CACNA1C: variants seen among roughly 807,000 people sequenced by gnomAD.
CACNA1C encodes voltage-dependent L-type calcium channel subunit alpha-1C.
CACNA1C carries 30 observed loss-of-function variants against 229.0 expected under a neutral mutation model. The observed-to-expected ratio is 0.13, with a 90% CI of 0.10 to 0.18. The LOEUF (loss-of-function observed/expected upper bound fraction) is 0.18, where lower values mean the gene tolerates loss of function less well. Ranked by LOEUF, CACNA1C falls within the 10% of genes least tolerant of loss-of-function variation. The pLI is 1.00. For missense variants in CACNA1C, 1,658 were observed against 2,845.0 expected, an observed-to-expected ratio of 0.58 and a Z score of 9.49; for synonymous variants, 1,114 against 1,132.5, an observed-to-expected ratio of 0.98 and a Z score of 0.33.
intron 3 of CACNA1C, among the ~76,000 whole-genome samples, chr12:2,192,660 C>T (rs1173238538): frequency 2.0e-5 from 3 of 152,110 alleles, no homozygotes; most frequent in Non-Finnish European, 2.9e-5. Context: ...GGAAAGTTGT[C>T]GTGAGAATTA....
intron 5 of CACNA1C, among the ~76,000 whole-genome samples, chr12:2,459,149 A>G (rs1179873346): frequency 2.2e-5 from 3 of 135,158 alleles, no homozygotes; most frequent in Non-Finnish European, 3.1e-5. Flanking sequence ...TGCCCAGCTA[A>G]TTTTTGTTTT....
chr12:2,078,591 T>C (rs936726500), intron 1 of CACNA1C, among the ~76,000 whole-genome samples: 1 of 152,202 alleles, frequency 6.6e-6, no homozygotes, highest in Admixed American at 6.5e-5. Flanking sequence ...CAGAGGGGGT[T>C]GTTCAATGGA....
chr12:2,623,733 AG>A (rs1380143423), intron 29 of CACNA1C, among the ~76,000 whole-genome samples: 1 of 152,180 alleles, frequency 6.6e-6, no homozygotes, highest in Non-Finnish European at 1.5e-5. Context: ...AGCTGAATGA[AG>A]GCCAACGGAA....
At chr12:2,046,648 G>A (rs894603832) in intron 1 of CACNA1C, among the ~76,000 whole-genome samples, 2 of 152,170 alleles carry the variant, frequency 1.3e-5, no homozygotes, top group African/African-American at 4.8e-5. Flanking sequence ...GGCTAGTCAT[G>A]TTAGTCATGT....
chr12:2,304,391 G>A (rs879374279), intron 3 of CACNA1C, among the ~76,000 whole-genome samples: 6 of 152,178 alleles, frequency 3.9e-5, no homozygotes, highest in Non-Finnish European at 7.3e-5. Context: ...TCACAGCAGC[G>A]ACAGCAGCAA....
At chr12:2,409,364 C>T (rs994620799) in intron 3 of CACNA1C, among the ~76,000 whole-genome samples, 10 of 152,044 alleles carry the variant, frequency 6.6e-5, no homozygotes, top group African/African-American at 1.9e-4. Flanking sequence ...TCCCTAGGGA[C>T]CCATCCTCTG....
chr12:2,546,892 T>C (rs966873049), intron 9 of CACNA1C, among the ~76,000 whole-genome samples: 9 of 152,162 alleles, frequency 5.9e-5, no homozygotes, highest in Admixed American at 3.9e-4. Flanking sequence ...GGTCGACCAG[T>C]GGGTTGTTTT....
intron 3 of CACNA1C, among the ~76,000 whole-genome samples, chr12:2,198,270 T>C (rs1392694630): frequency 1.3e-5 from 2 of 152,158 alleles, no homozygotes; most frequent in Non-Finnish European, 2.9e-5. Flanking sequence ...AGGAGCTGAT[T>C]ACCTGGAGCT....
rs1029803083 is a variant in CACNA1C at position 2,346,137 on chromosome 12, G to A, written c.478-102839G>A. ...AGGAGCCTTCCCAAGACCTGGATCC[G>A]CTGCAAGGTGATAGCCGTGGCTTGG... On this transcript the variant is annotated intron_variant, in intron 3 of 46. Coordinates refer to ENST00000399655, the MANE Select transcript of CACNA1C (RefSeq NM_000719.7). The surrounding 1 kb of genome is among the most constrained non-coding windows in gnomAD (Gnocchi z 4.4). Among the ~76,000 whole-genome samples, 3 of 152,144 alleles carry A rather than the reference G, an allele frequency of 2.0e-5. No individual in the cohort carries two copies. The highest frequency in any genetic ancestry group is 1.9e-4 in the East Asian group (1 of 5,192).
intron 29 of CACNA1C, among the ~76,000 whole-genome samples, chr12:2,615,484 C>T (rs1432722776): frequency 6.6e-6 from 1 of 152,196 alleles, no homozygotes; most frequent in Non-Finnish European, 1.5e-5. Context: ...AATTGGAAAG[C>T]TCAATATTAT....
chr12:2,463,111 C>CA (rs1567837175), intron 5 of CACNA1C, among the ~76,000 whole-genome samples: 3 of 151,998 alleles, frequency 2.0e-5, no homozygotes, highest in African/African-American at 7.3e-5. Context: ...CGGGTTTCAC[C>CA]GGTTAGCCAG....
At chr12:2,080,383 C>T (rs994652181) in intron 1 of CACNA1C, among the ~76,000 whole-genome samples, 11 of 151,964 alleles carry the variant, frequency 7.2e-5, no homozygotes, top group African/African-American at 1.2e-4. Context: ...GGGTGGATCA[C>T]GAGGTCAGGA....
chr12:2,109,150 G>T (rs767989331), intron 1 of CACNA1C, among the ~76,000 whole-genome samples: 1 of 152,304 alleles, frequency 6.6e-6, no homozygotes, highest in South Asian at 2.1e-4. Flanking sequence ...CTCACAGAAG[G>T]CACCAAGGCC....
intron 3 of CACNA1C, among the ~76,000 whole-genome samples, chr12:2,219,234 T>A (rs1385790656): frequency 1.3e-5 from 2 of 152,206 alleles, no homozygotes; most frequent in Non-Finnish European, 2.9e-5. Flanking sequence ...ATGCAGGGAT[T>A]TGGGGAAGGA....
intron 3 of CACNA1C, among the ~76,000 whole-genome samples, chr12:2,200,802 G>A (rs2097560821): frequency 6.6e-6 from 1 of 152,164 alleles, no homozygotes; most frequent in Non-Finnish European, 1.5e-5. Context: ...CAGATGAGCT[G>A]GAGGCAACCC....
chr12:2,501,233 A>AAAAAAAAAAAAAAAAAC (rs2099759416), intron 7 of CACNA1C, among the ~76,000 whole-genome samples: 1 of 149,000 alleles, frequency 6.7e-6, no homozygotes, highest in African/African-American at 2.5e-5. Flanking sequence ...AAAAAAAAAA[A>AAAAAAAAAAAAAAAAAC]AGTAAAGCAA....
intron 1 of CACNA1C, among the ~76,000 whole-genome samples, chr12:2,065,197 G>A (rs2058893326): frequency 6.6e-6 from 1 of 152,144 alleles, no homozygotes; most frequent in East Asian, 1.9e-4. Context: ...ACATCCAAGT[G>A]GATTTCAGTG....
chr12:2,648,175 T>C lies in CACNA1C; in HGVS notation c.3913-300T>C, dbSNP rs73243593. Among the ~76,000 whole-genome samples the C allele has an allele frequency of 8.0e-3, 1,223 of 152,090 alleles. 23 individuals are homozygous for C. Among genetic ancestry groups the C allele is most frequent in the African/African-American group, 0.028 (1,173 of 41,490 alleles). ...CAAACAAAAAAATTATAAACCTCCA[T>C]CCACAAAATCCCAAAGACCTCATCT... On this transcript the variant is annotated intron_variant, in intron 30 of 46. Coordinates refer to ENST00000399655, the MANE Select transcript of CACNA1C (RefSeq NM_000719.7).
At chr12:2,674,756 C>G in intron 39 of CACNA1C, 114 bp downstream of exon 39, 1 of 989,718 alleles carries the variant, frequency 1.0e-6, no homozygotes, top group South Asian at 1.7e-5. Flanking sequence ...CTGAGACTTG[C>G]TTCTTGAGTC....
Sources: allele counts gnomAD v4.1 joint callset (sites outside exome capture counted in the v4.1 genomes callset), GRCh38; gene constraint gnomAD v4.1.1; non-coding constraint Gnocchi (gnomAD v3.1); transcripts MANE v1.5; gene names NCBI Gene and HGNC (gene_info 2026-07-23, HGNC 2026-07-21).